NEO1: variants seen among roughly 807,000 people sequenced by gnomAD.
NEO1 encodes the protein neogenin.
In NEO1, 63 loss-of-function variants were observed where a neutral mutation model predicts 159.7. The observed-to-expected ratio is 0.39, with a 90% CI of 0.32 to 0.49. NEO1 has a LOEUF of 0.49. Among genes scored for constraint, NEO1 ranks in the 20% least tolerant of loss-of-function variants. NEO1 has a pLI of 0.85. For missense variants in NEO1, 1,615 were observed against 1,831.0 expected, an observed-to-expected ratio of 0.88 and a Z score of 2.15; for synonymous variants, 633 against 662.0, an observed-to-expected ratio of 0.96 and a Z score of 0.67.
Position 73,301,607 on chromosome 15 carries a change from T to C in NEO1, c.4302+150T>C. On this transcript the variant is annotated intron_variant, in intron 28 of 28. Transcript: ENST00000261908. The stretch of plus-strand genomic sequence containing the variant: ...ACTCATTCATTCAGTAGATACAGTG[T>C]TGAGCATCTCTTCTGAGCCGGGAAC... 4 of 1,037,448 alleles carry C rather than the reference T, an allele frequency of 3.9e-6. No individual in the cohort carries two copies. The Admixed American group carries it at 7.1e-5, about 18-fold the overall frequency. The allele number at this position is 1,037,448 out of a possible 1,614,324, so 64.3% of individuals were successfully genotyped here.
intron 7 of NEO1, among the ~76,000 whole-genome samples, chr15:73,222,703 ATAAAT>A (rs2038361758): frequency 6.6e-6 from 1 of 152,132 alleles, no homozygotes; most frequent in African/African-American, 2.4e-5. Context: ...AGAACCATAA[ATAAAT>A]TGTTCTTTGA....
intron 24 of NEO1, 112 bp from the exon 25 acceptor site, chr15:73,289,034 C>T (rs1266193371): frequency 1.3e-6 from 1 of 742,020 alleles, no homozygotes; most frequent in African/African-American, 1.7e-5. Context: ...ATGTCTTGTC[C>T]CCATTATGCT....
chr15:73,185,464 A>G (rs182359532), intron 7 of NEO1, among the ~76,000 whole-genome samples: 10 of 152,330 alleles, frequency 6.6e-5, no homozygotes, highest in Admixed American at 6.5e-4. Context: ...TAAAATCCAA[A>G]ATACTGACAA....
intron 3 of NEO1, 39 bp from the exon 4 acceptor site, chr15:73,126,378 C>G: frequency 6.5e-7 from 1 of 1,546,162 alleles, no homozygotes; most frequent in African/African-American, 1.4e-5. Flanking sequence ...CCTGTTTTGT[C>G]CTTTAATTAT....
intron 5 of NEO1, among the ~76,000 whole-genome samples, chr15:73,160,205 A>C (rs377249656): frequency 2.0e-5 from 3 of 152,066 alleles, no homozygotes; most frequent in African/African-American, 7.2e-5. Flanking sequence ...CAAAACACCA[A>C]ACTGTTGTTT....
rs2070950062 is a variant in NEO1 at position 73,110,969 on chromosome 15, C to T, written c.131-5571C>T. ...GCAAAGGATTGTTCTCCACCACCAC[C>T]AACAAAATTTTTGTTACTGAAAAAA... is the stretch of plus-strand genomic sequence containing the variant. On this transcript the variant is annotated intron_variant, in intron 1 of 28. Transcript: ENST00000261908. Among the ~76,000 whole-genome samples the T allele has an allele frequency of 2.0e-5, 3 of 151,846 alleles. No individual in the cohort carries two copies. The South Asian group carries it at 6.2e-4, about 32-fold the overall frequency.
chr15:73,090,076 T>G (rs1390078033), intron 1 of NEO1, among the ~76,000 whole-genome samples: 2 of 152,224 alleles, frequency 1.3e-5, no homozygotes, highest in Admixed American at 6.5e-5. Flanking sequence ...TGGAGAACTA[T>G]GTAGCTGTTC....
In NEO1 at chr15:73,154,320, T is replaced by C. The variant is rs2033613379; in HGVS notation, c.1015+18293T>C. Among the ~76,000 whole-genome samples, 4 of 152,218 alleles carry C rather than the reference T, an allele frequency of 2.6e-5. No homozygotes were observed. The South Asian group carries it at 8.3e-4, about 32-fold the overall frequency. On this transcript the variant is annotated intron_variant, in intron 5 of 28. Coordinates refer to ENST00000261908, the MANE Select transcript of NEO1 (RefSeq NM_002499.4). ...CACATCAGGGTAAATGGAGTATCCA[T>C]CACCCAAGCATTTATCCTTTGTGTT... is the stretch of plus-strand genomic sequence containing the variant.
chr15:73,235,770 A>G (rs1037353054), intron 7 of NEO1, among the ~76,000 whole-genome samples: 1 of 152,240 alleles, frequency 6.6e-6, no homozygotes, highest in Non-Finnish European at 1.5e-5. Flanking sequence ...ACTAAAGTTG[A>G]AGATGTGGCC....
rs869029902 is a variant in NEO1 at position 73,279,351 on chromosome 15, G to GTTTTTTTTTTTTTTTTTTTTT, written c.3262+1167_3262+1168insTTTTTTTTTTTTTTTTTTTTT. On this transcript the variant is annotated intron_variant, in intron 22 of 28. Transcript: ENST00000261908. ...ATGTTTTTTTGTTGTTTTGGTTTTG[G>GTTTTTTTTTTTTTTTTTTTTT]TTTTTTTTTTTTTTTGAGATGGAAT... Among the ~76,000 whole-genome samples, 69 of 119,342 alleles carry GTTTTTTTTTTTTTTTTTTTTT rather than the reference G, an allele frequency of 5.8e-4. 5 individuals are homozygous for GTTTTTTTTTTTTTTTTTTTTT. Among genetic ancestry groups the GTTTTTTTTTTTTTTTTTTTTT allele is most frequent in the East Asian group, 9.3e-4 (4 of 4,314 alleles). The allele number at this position is 119,342 out of a possible 152,430, so 78.3% of individuals were successfully genotyped here.
chr15:73,099,841 AGGAGTAATG>A (rs1331161872), intron 1 of NEO1, among the ~76,000 whole-genome samples: 1 of 152,214 alleles, frequency 6.6e-6, no homozygotes, highest in African/African-American at 2.4e-5. Flanking sequence ...CTGATTACTA[AGGAGTAATG>A]GCAAAATCGC....
intron 1 of NEO1, among the ~76,000 whole-genome samples, chr15:73,059,114 A>C (rs1316801402): frequency 6.6e-6 from 1 of 152,192 alleles, no homozygotes. Context: ...TTTAAGATAC[A>C]GTATTACCAG....
intron 22 of NEO1, among the ~76,000 whole-genome samples, chr15:73,280,912 A>T (rs1175263077): frequency 6.6e-6 from 1 of 151,996 alleles, no homozygotes; most frequent in Admixed American, 6.6e-5. Context: ...TTTGGATTAG[A>T]ACATAAATTT....
intron 1 of NEO1, among the ~76,000 whole-genome samples, chr15:73,115,136 A>G (rs2071229264): frequency 2.0e-5 from 3 of 151,920 alleles, no homozygotes; most frequent in African/African-American, 7.3e-5. Flanking sequence ...TCCACCTCCC[A>G]GGTTCAAGTG....
intron 25 of NEO1, among the ~76,000 whole-genome samples, chr15:73,291,766 A>AT (rs1047894759): frequency 1.1e-4 from 17 of 151,662 alleles, no homozygotes; most frequent in East Asian, 3.9e-4. Context: ...ACACTGCTTT[A>AT]TTTTTTTTTA....
At chr15:73,270,551 A>G (rs1049476510) in intron 18 of NEO1, 97 bp downstream of exon 18, 2 of 1,331,700 alleles carry the variant, frequency 1.5e-6, no homozygotes, top group Non-Finnish European at 1.0e-6. Flanking sequence ...ACAGTGAGCA[A>G]CTACATTTGG....
At chr15:73,166,071 T>C (rs1306173088) in intron 5 of NEO1, among the ~76,000 whole-genome samples, 1 of 152,128 alleles carries the variant, frequency 6.6e-6, no homozygotes, top group Non-Finnish European at 1.5e-5. Context: ...TTTCAGGTTG[T>C]TCTGTTTGAA....
intron 5 of NEO1, among the ~76,000 whole-genome samples, chr15:73,167,854 T>G (rs189220219): frequency 2.6e-4 from 39 of 152,306 alleles, no homozygotes; most frequent in Non-Finnish European, 5.3e-4. Flanking sequence ...TTAAATCATG[T>G]GATCACAGAG....
rs2041286455 is a variant in NEO1 at position 73,273,826 on chromosome 15, A to G, written c.2981A>G (p.Tyr994Cys). The G allele has an allele frequency of 6.2e-7, 1 of 1,613,362 alleles. No homozygotes were observed. The highest frequency in any genetic ancestry group is 1.3e-5 in the African/African-American group (1 of 74,906). The change falls in exon 20 of 29, where the codon TAC (tyrosine) becomes TGC (cysteine). Residue 994 changes from tyrosine (Y) to cysteine (C), a missense_variant. Coordinates refer to ENST00000261908, the MANE Select transcript of NEO1 (RefSeq NM_002499.4). Reference protein sequence around the residue: ...NGKITGYIIYYSTDVNAEIHD... With the variant: ...NGKITGYIIYCSTDVNAEIHD... ...CTTTGGACAGGTTACATCATATATT[A>G]CAGTACAGATGTGAATGCAGAGATA...
Sources: gnomAD v4.1 joint callset for allele counts (sites outside exome capture counted in the v4.1 genomes callset) on GRCh38, gnomAD v4.1.1 for gene constraint, MANE v1.5 for transcripts, NCBI Gene and HGNC (gene_info 2026-07-23, HGNC 2026-07-21) for gene names.